Variants in CACNA2D3 observed in about 807,000 individuals in gnomAD.
CACNA2D3 encodes the protein calcium voltage-gated channel auxiliary subunit alpha2delta 3, also known as voltage-dependent calcium channel subunit alpha-2/delta-3.
In CACNA2D3, 60 loss-of-function variants were observed where a neutral mutation model predicts 160.6. The ratio of observed to expected loss-of-function variants is 0.37; its 90% CI spans 0.30 to 0.46. The LOEUF (loss-of-function observed/expected upper bound fraction) is 0.46, where lower values mean the gene tolerates loss of function less well. CACNA2D3 is among the 20% of genes least tolerant of loss of function. CACNA2D3 has a pLI of 1.00. For synonymous variants in CACNA2D3, 558 were observed against 492.9 expected (o/e 1.13, Z -1.75); for missense variants, 1,205 against 1,365.0 (o/e 0.88, Z 1.85).
chr3:54,689,920 A>C (rs1453419264), intron 11 of CACNA2D3, among the ~76,000 whole-genome samples: 1 of 152,042 alleles, frequency 6.6e-6, no homozygotes. Flanking sequence ...ATTTTCTCCA[A>C]GTAGAAGCTA....
At chr3:54,421,371 C>T (rs1174349874) in intron 4 of CACNA2D3, among the ~76,000 whole-genome samples, 4 of 152,142 alleles carry the variant, frequency 2.6e-5, no homozygotes, top group Non-Finnish European at 4.4e-5. Flanking sequence ...TTGTGACAGT[C>T]GGAGGTGCCT....
intron 11 of CACNA2D3, among the ~76,000 whole-genome samples, chr3:54,749,203 G>C (rs537444175): frequency 6.6e-6 from 1 of 152,068 alleles, no homozygotes; most frequent in African/African-American, 2.4e-5. Flanking sequence ...GAAAAAAATA[G>C]AATTTTGTGC....
At chr3:54,869,334 A>G (rs1349354771) in intron 17 of CACNA2D3, among the ~76,000 whole-genome samples, 1 of 152,242 alleles carries the variant, frequency 6.6e-6, no homozygotes, top group Non-Finnish European at 1.5e-5. Context: ...TCCCAAATGC[A>G]TTATGGGCAA....
rs80322845 is a variant in CACNA2D3 at position 54,848,858 on chromosome 3, T to C, written c.1626+2391T>C. Among the ~76,000 whole-genome samples, 347 of 152,324 alleles carry C rather than the reference T, an allele frequency of 2.3e-3. 1 individual carries two copies. Among genetic ancestry groups the C allele is most frequent in the African/African-American group, 7.9e-3 (330 of 41,582 alleles). ...ATAGTGCATAGATCGTAGCTTGTTG[T>C]CACAGTAAATGAGATAATGCAAGCA... On this transcript the variant is annotated intron_variant, in intron 17 of 37. Coordinates refer to ENST00000474759, the MANE Select transcript of CACNA2D3 (RefSeq NM_018398.3).
chr3:54,406,754 A>G (rs1230608253), intron 4 of CACNA2D3, among the ~76,000 whole-genome samples: 2 of 152,132 alleles, frequency 1.3e-5, no homozygotes, highest in East Asian at 3.9e-4. Context: ...CAACATGAGA[A>G]CTATAGTTAA....
intron 16 of CACNA2D3, among the ~76,000 whole-genome samples, chr3:54,841,859 G>A (rs1575506227): frequency 6.6e-6 from 1 of 152,264 alleles, no homozygotes; most frequent in East Asian, 1.9e-4. Flanking sequence ...CCAGGCTGTT[G>A]GACCACGTGG....
chr3:54,517,468 C>G (rs992075201), intron 5 of CACNA2D3, among the ~76,000 whole-genome samples: 2 of 152,312 alleles, frequency 1.3e-5, no homozygotes, highest in South Asian at 4.1e-4. Flanking sequence ...CCAAGACCCT[C>G]GCCCCAGGGC....
intron 4 of CACNA2D3, among the ~76,000 whole-genome samples, chr3:54,388,696 T>G (rs553289112): frequency 7.7e-6 from 1 of 129,076 alleles, no homozygotes; most frequent in Non-Finnish European, 1.7e-5. Flanking sequence ...CACAAAGATC[T>G]AGGGGCCATT....
Position 54,892,482 on chromosome 3 carries a change from A to G in CACNA2D3, c.2246+1032A>G, listed in dbSNP as rs145471095. ...AAGTCTGGTAAATGACAGATCAATC[A>G]ATGTTTAGGTATTTTAAGAGATTGG... is the stretch of plus-strand genomic sequence containing the variant. On this transcript the variant is annotated intron_variant, in intron 25 of 37. Coordinates refer to ENST00000474759, the MANE Select transcript of CACNA2D3 (RefSeq NM_018398.3). Among the ~76,000 whole-genome samples the G allele has an allele frequency of 1.5e-3, 221 of 152,268 alleles. 1 individual carries two copies. The highest frequency in any genetic ancestry group is 9.6e-3 in the East Asian group (50 of 5,182).
chr3:54,630,361 C>T (rs1699209211), intron 10 of CACNA2D3, among the ~76,000 whole-genome samples: 1 of 152,172 alleles, frequency 6.6e-6, no homozygotes, highest in Non-Finnish European at 1.5e-5. Flanking sequence ...CTCTGTCCAT[C>T]CCTTCCATCT....
chr3:54,918,321 C>CTTTTTTTTTCTT lies in CACNA2D3; in HGVS notation c.2449+18462_2449+18463insCTTTTTTTTTTT, dbSNP rs1700714215. ...CCAGAAATATTTTTTACAGACACATCTTTTTTTTTTCTTTTTTTTTTTTTT... is the reference window on the plus strand; with the variant it reads ...CCAGAAATATTTTTTACAGACACATCTTTTTTTTTCTTTTTTTTTTTTCTTTTTTTTTTTTTT... On this transcript the variant is annotated intron_variant, in intron 27 of 37. Coordinates refer to ENST00000474759, the MANE Select transcript of CACNA2D3 (RefSeq NM_018398.3). 279 of 394,376 alleles carry CTTTTTTTTTCTT rather than the reference C, an allele frequency of 7.1e-4. 2 individuals are homozygous for CTTTTTTTTTCTT. Among genetic ancestry groups the CTTTTTTTTTCTT allele is most frequent in the African/African-American group, 6.1e-3 (208 of 34,102 alleles). 24.4% of individuals were successfully genotyped at this position (394,376 alleles called of 1,614,324 possible). A position where few individuals can be genotyped will look rare whatever the true frequency, so the allele number is the denominator to read the frequency against.
At chr3:54,618,374 T>TATATATATACACACACAC in intron 9 of CACNA2D3, among the ~76,000 whole-genome samples, 4 of 54,578 alleles carry the variant, frequency 7.3e-5, no homozygotes, top group Admixed American at 4.5e-4. Context: ...TATATATATA[T>TATATATATACACACACAC]GCACACACAC....
Position 54,480,600 on chromosome 3 carries a change from AT to A in CACNA2D3, c.382-22887del, listed in dbSNP as rs200993287. The stretch of plus-strand genomic sequence containing the variant: ...TTAAAGAATATAAAATATGTATGAA[AT>A]TTTTAATTGAAAAATGGGCCTTTCT... On this transcript the variant is annotated intron_variant, in intron 4 of 37. Transcript: ENST00000474759. 2.0e-3 allele frequency among the ~76,000 whole-genome samples: 301 copies of A among 152,318 alleles called. 2 individuals carry two copies. Among genetic ancestry groups the A allele is most frequent in the African/African-American group, 7.1e-3 (294 of 41,580 alleles).
At chr3:54,313,643 G>T (rs759542622) in intron 2 of CACNA2D3, among the ~76,000 whole-genome samples, 2 of 152,076 alleles carry the variant, frequency 1.3e-5, no homozygotes, top group African/African-American at 2.4e-5. Context: ...CCAGTGCAGT[G>T]GGGGCAGTGA....
chr3:54,323,946 G>A (rs1453708362), intron 3 of CACNA2D3, among the ~76,000 whole-genome samples: 1 of 152,136 alleles, frequency 6.6e-6, no homozygotes, highest in Non-Finnish European at 1.5e-5. Context: ...TGAATCAGTG[G>A]TGACTCCAGG....
Position 54,837,132 on chromosome 3 carries a change from G to A in CACNA2D3, c.1399-27G>A, listed in dbSNP as rs535033692. On this transcript the variant is annotated intron_variant, in intron 14 of 37. Coordinates refer to ENST00000474759, the MANE Select transcript of CACNA2D3 (RefSeq NM_018398.3). ...AACTGTGGTTTCCAGACCGTTCCCC[G>A]GTAACTGGCTTTTCTCTTCCATCCA... 4.2e-5 allele frequency: 67 copies of A among 1,610,078 alleles called. No individual in the cohort carries two copies. In the African/African-American group the frequency reaches 4.5e-4, roughly 11 times the overall value.
chr3:54,969,262 C>CTTTTTT (rs66688757), intron 28 of CACNA2D3, among the ~76,000 whole-genome samples: 2 of 134,696 alleles, frequency 1.5e-5, no homozygotes, highest in African/African-American at 2.8e-5. Context: ...ATAAAGTAGA[C>CTTTTTT]TTTTTTTTTT....
chr3:54,971,231 CT>C, intron 29 of CACNA2D3, among the ~76,000 whole-genome samples: 1 of 152,298 alleles, frequency 6.6e-6, no homozygotes, highest in Middle Eastern at 3.4e-3. Flanking sequence ...GGTCCACACC[CT>C]TTTCAGCAAG....
In CACNA2D3 at chr3:54,871,527, TC is replaced by T. The variant is rs779585325; in HGVS notation, c.1627-8del. The T allele has an allele frequency of 6.2e-7, 1 of 1,602,590 alleles. No individual in the cohort carries two copies. Among genetic ancestry groups the T allele is most frequent in the East Asian group, 2.2e-5 (1 of 44,822 alleles). Reference sequence around the variant, plus strand: ...TTTGTTTTTCTTTTCTTTTTCTTCTTCCCCTTGCTAGTACGAAGAAGGAAAA... The same window carrying T: ...TTTGTTTTTCTTTTCTTTTTCTTCTTCCCTTGCTAGTACGAAGAAGGAAAA... On this transcript the variant is annotated splice_polypyrimidine_tract_variant and intron_variant, in intron 17 of 37. Transcript: ENST00000474759.
Sources: gnomAD v4.1 joint callset for allele counts (sites outside exome capture counted in the v4.1 genomes callset) on GRCh38, gnomAD v4.1.1 for gene constraint, MANE v1.5 for transcripts, NCBI Gene and HGNC (gene_info 2026-07-23, HGNC 2026-07-21) for gene names.